The following MYOM1 variants were observed in gnomAD, a reference collection of about 807,000 sequenced individuals.
The protein encoded by MYOM1 is myomesin 1.
A neutral mutation model predicts 205.3 loss-of-function variants in MYOM1; 164 were observed. That is an observed-to-expected ratio of 0.80 (90% CI 0.70 to 0.91). The LOEUF (loss-of-function observed/expected upper bound fraction) is 0.91. Ranked by LOEUF, MYOM1 falls within the 40% of genes least tolerant of loss-of-function variation. MYOM1 has a pLI of 0.00. For synonymous variants in MYOM1, 772 were observed against 789.4 expected (o/e 0.98, Z 0.37); for missense variants, 2,011 against 2,127.3 (o/e 0.95, Z 1.08).
At chr18:3,241,081 GAA>G in the MYOM1 span, among the ~76,000 whole-genome samples, 3 of 152,220 alleles carry the variant, frequency 2.0e-5, no homozygotes, top group Non-Finnish European at 4.4e-5. Context: ...AGCAGAGCAT[GAA>G]AGTCTGGAAA....
At position 3,152,481 on chromosome 18, in the gene MYOM1, C is replaced by T. The variant is rs1246646797; in HGVS notation, c.1644-588G>A. Among the ~76,000 whole-genome samples the T allele has an allele frequency of 1.3e-5, 2 of 152,100 alleles. No homozygotes were observed. The highest frequency in any genetic ancestry group is 2.4e-5 in the African/African-American group (1 of 41,400). On this transcript the variant is annotated intron_variant, in intron 11 of 37. Transcript: ENST00000356443. This position sits in a 1 kb window ranked among gnomAD's most constrained non-coding sequence, Gnocchi z 4.3. ...GACTGATGACAGGTGGGGAGATGCC[C>T]AGTCCTGGCAGGGGCAGATTGAGTG...
At chr18:3,165,260 C>CT (rs1354076024) in intron 9 of MYOM1, among the ~76,000 whole-genome samples, 1 of 152,136 alleles carries the variant, frequency 6.6e-6, no homozygotes. Flanking sequence ...ATGTAAATCT[C>CT]TATTTAATTT....
intron 20 of MYOM1, among the ~76,000 whole-genome samples, chr18:3,118,182 A>G (rs541336157): frequency 6.6e-6 from 1 of 152,158 alleles, no homozygotes; most frequent in Non-Finnish European, 1.5e-5. Context: ...AAACATTCTT[A>G]TTGCTTTCTT....
At chr18:3,130,394 A>G (rs2079858054) in intron 17 of MYOM1, among the ~76,000 whole-genome samples, 1 of 152,180 alleles carries the variant, frequency 6.6e-6, no homozygotes, top group South Asian at 2.1e-4. Flanking sequence ...ACTGAAGACA[A>G]TCAATATTAA....
intron 8 of MYOM1, among the ~76,000 whole-genome samples, chr18:3,170,185 G>A (rs2080536236): frequency 1.3e-5 from 2 of 152,108 alleles, no homozygotes; most frequent in African/African-American, 4.8e-5. Context: ...TAGTTAATGG[G>A]TACAAAAATA....
intron 17 of MYOM1, among the ~76,000 whole-genome samples, chr18:3,129,788 G>A (rs2079849201): frequency 6.6e-6 from 1 of 152,148 alleles, no homozygotes; most frequent in African/African-American, 2.4e-5. Context: ...ATTTCGATTT[G>A]CAGAACCCAA....
intron 2 of MYOM1, among the ~76,000 whole-genome samples, chr18:3,195,205 G>A (rs74494712): frequency 1.3e-5 from 2 of 152,218 alleles, no homozygotes; most frequent in Admixed American, 6.5e-5. Flanking sequence ...GGCAGGCAGC[G>A]GCCCCTTGAA....
chr18:3,228,176 AG>A, the MYOM1 span, among the ~76,000 whole-genome samples: 1 of 152,238 alleles, frequency 6.6e-6, no homozygotes, highest in Non-Finnish European at 1.5e-5. The surrounding 1 kb of genome is among the most constrained non-coding windows in gnomAD (Gnocchi z 4.5). Flanking sequence ...GATGAAGACC[AG>A]GTGACACCTG....
rs536512236 is a variant in MYOM1, at chr18:3,209,414, C to T, written c.290+5520G>A. On this transcript the variant is annotated intron_variant, in intron 2 of 37. Transcript: ENST00000356443. The surrounding 1 kb of genome is among the most constrained non-coding windows in gnomAD (Gnocchi z 4.0). ...ACTAGCCTCCTAACAAGGGAACTTG[C>T]TTCTGCAACAGTCACAGTGATGCTG... Among the ~76,000 whole-genome samples, 4 of 152,340 alleles carry T rather than the reference C, an allele frequency of 2.6e-5. No homozygotes were observed. Among genetic ancestry groups the T allele is most frequent in the African/African-American group, 7.2e-5 (3 of 41,582 alleles).
At chr18:3,110,146 T>C (rs1270571758) in intron 22 of MYOM1, among the ~76,000 whole-genome samples, 1 of 152,242 alleles carries the variant, frequency 6.6e-6, no homozygotes, top group Non-Finnish European at 1.5e-5. Flanking sequence ...TTCTTTCTCA[T>C]ATAAAGTGTT....
intron 26 of MYOM1, among the ~76,000 whole-genome samples, chr18:3,091,285 C>T (rs1435200675): frequency 6.6e-6 from 1 of 151,784 alleles, no homozygotes; most frequent in Non-Finnish European, 1.5e-5. Context: ...CATTGCACTC[C>T]AGCCTGGGCA....
chr18:3,086,145 T>C lies in MYOM1; in HGVS notation c.4144A>G (p.Asn1382Asp), dbSNP rs1185452911. ...CNVLLKCKVA[N>D]IKKETHIVWY... is the part of the protein sequence containing the mutation. Reference sequence around the variant, plus strand: ...ACAATATGAGTCTCCTTCTTAATATTTGCCACCTAGGAGAAAAACCATAAT... The same window carrying C: ...ACAATATGAGTCTCCTTCTTAATATCTGCCACCTAGGAGAAAAACCATAAT... Residue 1382 changes from asparagine to aspartate, a missense_variant, in exon 30 of 38, where the codon AAT becomes GAT. Physicochemically the swap from Asn to Asp is conservative, Grantham distance 23 (BLOSUM62 1). Coordinates refer to ENST00000356443, the MANE Select transcript of MYOM1 (RefSeq NM_003803.4). 6.3e-6 allele frequency: 10 copies of C among 1,585,002 alleles called. No individual in the cohort carries two copies. The highest frequency in any genetic ancestry group is 4.0e-5 in the African/African-American group (3 of 74,114).
intron 22 of MYOM1, among the ~76,000 whole-genome samples, chr18:3,108,307 A>C (rs1266181234): frequency 6.6e-6 from 1 of 152,170 alleles, no homozygotes. Context: ...CTAACAAAGA[A>C]AATATTCTAG....
the MYOM1 span, among the ~76,000 whole-genome samples, chr18:3,226,555 A>G: frequency 6.6e-6 from 1 of 151,980 alleles, no homozygotes; most frequent in Non-Finnish European, 1.5e-5. This position sits in a 1 kb window ranked among gnomAD's most constrained non-coding sequence, Gnocchi z 4.6. Context: ...AGCCCTGCCA[A>G]CACGCGCACA....
chr18:3,091,726 A>G lies in MYOM1; in HGVS notation c.3865-924T>C, dbSNP rs530974218. Among the ~76,000 whole-genome samples, 34 of 151,570 alleles carry G rather than the reference A, an allele frequency of 2.2e-4. No homozygotes were observed. The East Asian group carries it at 6.6e-3, about 29-fold the overall frequency. On this transcript the variant is annotated intron_variant, in intron 26 of 37. Coordinates refer to ENST00000356443, the MANE Select transcript of MYOM1 (RefSeq NM_003803.4). ...ACTCTCACATTACCTTCCAGATTACATTATTTATTTATTTATTTATTTAGA... is the reference window on the plus strand; with the variant it reads ...ACTCTCACATTACCTTCCAGATTACGTTATTTATTTATTTATTTATTTAGA...
At chr18:3,232,302 C>CAT in the MYOM1 span, among the ~76,000 whole-genome samples, 1 of 151,848 alleles carries the variant, frequency 6.6e-6, no homozygotes, top group East Asian at 1.9e-4. Flanking sequence ...TGTACTCCAG[C>CAT]CTGGGCAACA....
chr18:3,157,789 G>A (rs538586039), intron 10 of MYOM1, among the ~76,000 whole-genome samples: 2 of 151,436 alleles, frequency 1.3e-5, no homozygotes, highest in East Asian at 3.9e-4. Flanking sequence ...GATGACAAGA[G>A]GCAGCTGTGA....
rs546136269 is a variant in MYOM1 at position 3,129,297 on chromosome 18, G to A, written c.2729C>T (p.Pro910Leu). Reference protein sequence around the residue: ...SETVQEELTPPPQKAAPQGKS... With the variant: ...SETVQEELTPLPQKAAPQGKS... ...CCCCTGAGGAGCCGCTTTCTGTGGT[G>A]GCGGGGTAAGCTCTTCCTGAACTGT... The change falls in exon 18 of 38, where the codon CCA (proline) becomes CTA (leucine). Residue 910 changes from proline (P) to leucine (L), a missense_variant. Coordinates refer to ENST00000356443, the MANE Select transcript of MYOM1 (RefSeq NM_003803.4). 101 of 1,613,970 alleles carry A rather than the reference G, an allele frequency of 6.3e-5. No individual in the cohort carries two copies. The East Asian group carries it at 2.2e-3, about 35-fold the overall frequency.
intron 20 of MYOM1, among the ~76,000 whole-genome samples, chr18:3,119,164 C>A (rs2079649674): frequency 6.6e-6 from 1 of 152,168 alleles, no homozygotes; most frequent in Non-Finnish European, 1.5e-5. Flanking sequence ...CCTGCCCACC[C>A]AACCACTCCC....
Sources: gnomAD v4.1 joint callset for allele counts (sites outside exome capture counted in the v4.1 genomes callset) on GRCh38, gnomAD v4.1.1 for gene constraint, Gnocchi (gnomAD v3.1) non-coding constraint, MANE v1.5 for transcripts, NCBI Gene and HGNC (gene_info 2026-07-23, HGNC 2026-07-21) for gene names.